Variants in TAOK1 observed in about 807,000 individuals in gnomAD.
TAOK1 encodes TAO kinase 1, also known as serine/threonine-protein kinase TAO1.
TAOK1 carries 21 observed loss-of-function variants against 138.3 expected under a neutral mutation model. The observed-to-expected ratio is 0.15, with a 90% CI of 0.11 to 0.22. The LOEUF is 0.22. Ranked by LOEUF, TAOK1 falls within the 10% of genes least tolerant of loss-of-function variation. The pLI is 1.00. For missense variants in TAOK1, 651 were observed against 1,227.7 expected (o/e 0.53, Z 7.02); for synonymous variants, 361 against 398.4 (o/e 0.91, Z 1.12).
In TAOK1 at chr17:29,410,619, GT is replaced by G. The variant is rs61646352; in HGVS notation, c.-95+19609del. ...ACATATGTGTTAGCTAGGGTTTTTT[GT>G]TTTTTTTTTTTTTGGTTTTTTTTTT... On this transcript the variant is annotated intron_variant, in intron 1 of 19. Transcript: ENST00000261716. Among the ~76,000 whole-genome samples, 155 of 125,968 alleles carry G rather than the reference GT, an allele frequency of 1.2e-3. 1 individual carries two copies. The South Asian group carries it at 0.022, about 18-fold the overall frequency. 82.6% of individuals were successfully genotyped at this position (125,968 alleles called of 152,430 possible).
intron 1 of TAOK1, among the ~76,000 whole-genome samples, chr17:29,417,074 C>A (rs1905283021): frequency 6.6e-6 from 1 of 152,058 alleles, no homozygotes; most frequent in African/African-American, 2.4e-5. Flanking sequence ...AGTGCAGTGG[C>A]ACTTTCTCGG....
At chr17:29,419,974 G>T (rs1156730034) in intron 1 of TAOK1, among the ~76,000 whole-genome samples, 1 of 151,732 alleles carries the variant, frequency 6.6e-6, no homozygotes, top group Non-Finnish European at 1.5e-5. Context: ...CAACCTCCCG[G>T]GCTCAATTGA....
At chr17:29,475,237 C>A (rs2030920692) in intron 3 of TAOK1, among the ~76,000 whole-genome samples, 1 of 152,150 alleles carries the variant, frequency 6.6e-6, no homozygotes, top group African/African-American at 2.4e-5. Context: ...CTGTACCTGG[C>A]TGAATATAAT....
At chr17:29,513,339 G>A (rs897829754) in intron 15 of TAOK1, 2 of 152,106 alleles carry the variant, frequency 1.3e-5, no homozygotes, top group South Asian at 2.1e-4. Context: ...ACTATAATTC[G>A]AAAGCCAAAC....
intron 2 of TAOK1, among the ~76,000 whole-genome samples, chr17:29,456,571 A>T (rs1337618897): frequency 1.3e-5 from 2 of 150,398 alleles, no homozygotes; most frequent in Admixed American, 1.3e-4. Context: ...TTGTTGGAGC[A>T]TTTCAGATTT....
intron 1 of TAOK1, among the ~76,000 whole-genome samples, chr17:29,403,029 C>T (rs1027561210): frequency 6.6e-5 from 10 of 151,306 alleles, no homozygotes; most frequent in East Asian, 1.9e-4. Context: ...TGCATGGTGG[C>T]GGGCACCTGC....
chr17:29,420,585 G>GGT (rs537332891), intron 1 of TAOK1, among the ~76,000 whole-genome samples: 1 of 123,530 alleles, frequency 8.1e-6, no homozygotes, highest in African/African-American at 3.1e-5. Flanking sequence ...TACTTAATCT[G>GGT]TTTTTTTTTT....
At chr17:29,521,758 G>A in intron 16 of TAOK1, among the ~76,000 whole-genome samples, 1 of 152,112 alleles carries the variant, frequency 6.6e-6, no homozygotes, top group East Asian at 1.9e-4. Context: ...AATTTTTTGT[G>A]TTTTTAGTAG....
intron 15 of TAOK1, 127 bp downstream of exon 15, chr17:29,511,119 T>A: frequency 1.3e-6 from 1 of 744,240 alleles, no homozygotes; most frequent in East Asian, 3.0e-5. Flanking sequence ...TGGGTATTAG[T>A]TTAAATGATG....
At chr17:29,439,669 T>G (rs1386539366) in intron 1 of TAOK1, among the ~76,000 whole-genome samples, 1 of 152,102 alleles carries the variant, frequency 6.6e-6, no homozygotes, top group East Asian at 1.9e-4. Flanking sequence ...TTTTACAGAA[T>G]TTCTGTTTTG....
chr17:29,447,202 C>A (rs895607685), intron 1 of TAOK1, among the ~76,000 whole-genome samples: 1 of 151,904 alleles, frequency 6.6e-6, no homozygotes, highest in African/African-American at 2.4e-5. Flanking sequence ...AGGCACCCAC[C>A]ACCATGTCTG....
intron 1 of TAOK1, among the ~76,000 whole-genome samples, chr17:29,398,754 A>G (rs1904741523): frequency 6.7e-6 from 1 of 150,364 alleles, no homozygotes; most frequent in Non-Finnish European, 1.5e-5. Flanking sequence ...CTGGTCTTGA[A>G]CTCCTGACCT....
intron 1 of TAOK1, among the ~76,000 whole-genome samples, chr17:29,395,976 G>A (rs1025571319): frequency 2.0e-5 from 3 of 151,516 alleles, no homozygotes; most frequent in Admixed American, 1.3e-4. Flanking sequence ...CCCGATTTCC[G>A]TACTTACTAT....
chr17:29,434,298 A>G (rs921584663), intron 1 of TAOK1, among the ~76,000 whole-genome samples: 2 of 152,092 alleles, frequency 1.3e-5, no homozygotes, highest in Non-Finnish European at 2.9e-5. Context: ...CAGAAACACA[A>G]TTATCTATTA....
At chr17:29,447,837 A>G (rs1210775035) in intron 1 of TAOK1, among the ~76,000 whole-genome samples, 2 of 150,170 alleles carry the variant, frequency 1.3e-5, no homozygotes, top group East Asian at 3.9e-4. Flanking sequence ...TTGTATTTTT[A>G]GTAGAGACAG....
In TAOK1 at chr17:29,545,328, G is replaced by A. The variant is rs2032385446; in HGVS notation, c.*2306G>A. ...TAATAAAATGTCAAAAATACAATTTGATACCCTTAAAAATTATTCATAGAT... is the reference window on the plus strand; with the variant it reads ...TAATAAAATGTCAAAAATACAATTTAATACCCTTAAAAATTATTCATAGAT... On this transcript the variant is annotated 3_prime_UTR_variant, in exon 20 of 20. Transcript: ENST00000261716. 1 of 152,118 alleles carries A rather than the reference G, an allele frequency of 6.6e-6. No individual in the cohort carries two copies. Among genetic ancestry groups the A allele is most frequent in the Non-Finnish European group, 1.5e-5 (1 of 68,002 alleles). The allele number at this position is 152,118 out of a possible 1,614,324, so 9.4% of individuals were successfully genotyped here. A position where few individuals can be genotyped will look rare whatever the true frequency, so the allele number is the denominator to read the frequency against.
intron 1 of TAOK1, among the ~76,000 whole-genome samples, chr17:29,431,629 AATAAGT>A (rs1377341038): frequency 6.6e-6 from 1 of 151,928 alleles, no homozygotes; most frequent in African/African-American, 2.4e-5. Flanking sequence ...AATAAATGTA[AATAAGT>A]ATAAGTTAAA....
chr17:29,392,020 T>C (rs570530247), intron 1 of TAOK1, among the ~76,000 whole-genome samples: 170 of 152,164 alleles, frequency 1.1e-3, no homozygotes, highest in Middle Eastern at 3.4e-3. Context: ...ATCGAGACCA[T>C]CCTGGCTAAC....
intron 3 of TAOK1, among the ~76,000 whole-genome samples, chr17:29,473,933 T>C (rs547666787): frequency 6.6e-6 from 1 of 152,220 alleles, no homozygotes; most frequent in African/African-American, 2.4e-5. Context: ...GGTTTCACCT[T>C]GTTGGCCAGG....
Sources: gnomAD v4.1 joint callset for allele counts (sites outside exome capture counted in the v4.1 genomes callset) on GRCh38, gnomAD v4.1.1 for gene constraint, MANE v1.5 for transcripts, NCBI Gene and HGNC (gene_info 2026-07-23, HGNC 2026-07-21) for gene names.